Variants in NDRG1 observed in about 807,000 individuals in gnomAD.
NDRG1 encodes the protein protein NDRG1.
In NDRG1, 32 loss-of-function variants were observed where a neutral mutation model predicts 56.9. The ratio of observed to expected loss-of-function variants is 0.56; its 90% CI spans 0.42 to 0.76. The LOEUF (loss-of-function observed/expected upper bound fraction) is 0.76. Among genes scored for constraint, NDRG1 ranks in the 30% least tolerant of loss-of-function variants. NDRG1 has a pLI of 0.00. For missense variants in NDRG1, 507 were observed against 545.7 expected, an observed-to-expected ratio of 0.93 and a Z score of 0.71; for synonymous variants, 211 against 204.1, an observed-to-expected ratio of 1.03 and a Z score of -0.29.
chr8:133,273,965 C>T (rs1020963705), intron 3 of NDRG1, among the ~76,000 whole-genome samples: 5 of 152,314 alleles, frequency 3.3e-5, no homozygotes, highest in Middle Eastern at 3.4e-3. Context: ...GCCTCTCAGC[C>T]GAGCCAGATC....
chr8:133,253,893 G>A (rs1406238628), intron 9 of NDRG1, among the ~76,000 whole-genome samples: 1 of 151,432 alleles, frequency 6.6e-6, no homozygotes, highest in Non-Finnish European at 1.5e-5. Flanking sequence ...GTAGAGACAA[G>A]GTGTCACTAT....
chr8:133,284,336 G>A lies in NDRG1; in HGVS notation c.-18-7C>T, dbSNP rs1407699093. 6.2e-7 allele frequency: 1 copy of A among 1,613,896 alleles called. No individual in the cohort carries two copies. Among genetic ancestry groups the A allele is most frequent in the African/African-American group, 1.3e-5 (1 of 74,888 alleles). ...TGTCCCTGCTGTCACCTGCCTGCAAGGAGACAAAGGCCAAAAGGTCAACAC... is the reference window on the plus strand; with the variant it reads ...TGTCCCTGCTGTCACCTGCCTGCAAAGAGACAAAGGCCAAAAGGTCAACAC... On this transcript the variant is annotated splice_region_variant and splice_polypyrimidine_tract_variant and intron_variant, in intron 1 of 15. Coordinates refer to ENST00000323851, the MANE Select transcript of NDRG1 (RefSeq NM_006096.4).
In NDRG1 at chr8:133,244,409, C is replaced by T. The variant is rs753910083; in HGVS notation, c.856-19G>A. ...CCGCCATCTAGGAGAGAGGGAAGCT[C>T]GTTAGTGCCAAACACCACAGCCAAG... On this transcript the variant is annotated intron_variant, in intron 13 of 15. Transcript: ENST00000323851. The T allele has an allele frequency of 1.6e-5, 26 of 1,614,050 alleles. No individual in the cohort carries two copies. The highest frequency in any genetic ancestry group is 8.9e-5 in the East Asian group (4 of 44,886).
chr8:133,286,515 C>T (rs1201717733), intron 1 of NDRG1, among the ~76,000 whole-genome samples: 1 of 152,200 alleles, frequency 6.6e-6, no homozygotes, highest in Admixed American at 6.5e-5. Context: ...TTTATTCCTA[C>T]AGCTTAGCTT....
chr8:133,259,480 T>G, intron 5 of NDRG1: 1 of 547,954 alleles, frequency 1.8e-6, no homozygotes, highest in Non-Finnish European at 3.3e-6. Flanking sequence ...ACAATAACTC[T>G]AGGAGGCTGC....
chr8:133,254,530 G>A lies in NDRG1; in HGVS notation c.594+9C>T, dbSNP rs373172944. On this transcript the variant is annotated intron_variant, in intron 9 of 15. Coordinates refer to ENST00000323851, the MANE Select transcript of NDRG1 (RefSeq NM_006096.4). Reference sequence around the variant, plus strand: ...AGGAACAACAGATTTGCCAGACCACGCAACTCACCTTCCCAAAAAGGTGGG... The same window carrying A: ...AGGAACAACAGATTTGCCAGACCACACAACTCACCTTCCCAAAAAGGTGGG... 93 of 1,613,814 alleles carry A rather than the reference G, an allele frequency of 5.8e-5. 1 individual carries two copies. The East Asian group carries it at 1.8e-3, about 31-fold the overall frequency.
In NDRG1 at chr8:133,238,016, A is replaced by G. The variant is rs1855155005; in HGVS notation, c.*862T>C. 4.3e-6 allele frequency: 1 copy of G among 233,172 alleles called. No individual in the cohort carries two copies. The allele number at this position is 233,172 out of a possible 1,614,324, so 14.4% of individuals were successfully genotyped here. A position where few individuals can be genotyped will look rare whatever the true frequency, so the allele number is the denominator to read the frequency against. ...GTTGCCCTCCATTCTAAGGAATGCAAAACAAATCTAAATGATCTTCTCCCT... is the reference window on the plus strand; with the variant it reads ...GTTGCCCTCCATTCTAAGGAATGCAGAACAAATCTAAATGATCTTCTCCCT... On this transcript the variant is annotated 3_prime_UTR_variant, in exon 16 of 16. Transcript: ENST00000323851.
chr8:133,266,206 C>T (rs1245862317), intron 3 of NDRG1, among the ~76,000 whole-genome samples: 1 of 152,270 alleles, frequency 6.6e-6, no homozygotes, highest in African/African-American at 2.4e-5. Flanking sequence ...GGGCCCCAGG[C>T]TTCTCAGCAC....
At chr8:133,285,967 C>T (rs190612349) in intron 1 of NDRG1, among the ~76,000 whole-genome samples, 3 of 152,266 alleles carry the variant, frequency 2.0e-5, no homozygotes, top group Admixed American at 6.5e-5. Context: ...GCCCTGCCAA[C>T]GCCACCCCTC....
intron 3 of NDRG1, among the ~76,000 whole-genome samples, chr8:133,274,106 C>G (rs1857336367): frequency 1.3e-5 from 2 of 152,188 alleles, no homozygotes; most frequent in African/African-American, 4.8e-5. Context: ...ACCTCATATG[C>G]AAATCACCAA....
chr8:133,265,653 C>G (rs992809371), intron 3 of NDRG1, among the ~76,000 whole-genome samples: 1 of 152,132 alleles, frequency 6.6e-6, no homozygotes, highest in Non-Finnish European at 1.5e-5. Context: ...CCGCACCAAA[C>G]CTTCCTAACA....
At chr8:133,278,946 A>T (rs1857615274) in intron 3 of NDRG1, among the ~76,000 whole-genome samples, 2 of 148,298 alleles carry the variant, frequency 1.3e-5, no homozygotes, top group Admixed American at 6.8e-5. Context: ...GCTGGAGTGC[A>T]ACGACGTGGT....
chr8:133,264,674 T>TG (rs761581311), intron 3 of NDRG1, 22 bp from the exon 4 acceptor site: 13 of 1,605,230 alleles, frequency 8.1e-6, no homozygotes, highest in Middle Eastern at 3.3e-4. Flanking sequence ...CAGCAGACAG[T>TG]GGGCTGGTCA....
chr8:133,254,438 T>C (rs1489532095), intron 9 of NDRG1, 101 bp downstream of exon 9: 14 of 1,229,922 alleles, frequency 1.1e-5, no homozygotes, highest in African/African-American at 6.0e-5. Context: ...CCCCAGTTGA[T>C]TGTGTCTTGT....
chr8:133,293,507 G>A (rs1205610629), intron 1 of NDRG1, among the ~76,000 whole-genome samples: 2 of 152,228 alleles, frequency 1.3e-5, no homozygotes, highest in Admixed American at 6.5e-5. Flanking sequence ...GACCTGAGAG[G>A]TGGAAAGAAT....
intron 3 of NDRG1, among the ~76,000 whole-genome samples, chr8:133,269,180 T>C (rs1355074292): frequency 2.6e-5 from 4 of 152,116 alleles, no homozygotes; most frequent in African/African-American, 9.7e-5. Context: ...AGAGAGCAAA[T>C]TGCCTGTCTC....
intron 1 of NDRG1, among the ~76,000 whole-genome samples, chr8:133,295,250 T>A (rs1285060665): frequency 6.6e-6 from 1 of 152,162 alleles, no homozygotes; most frequent in South Asian, 2.1e-4. Flanking sequence ...CTTCATCCCA[T>A]GTGCATATTT....
intron 1 of NDRG1, among the ~76,000 whole-genome samples, chr8:133,289,983 C>G (rs918668917): frequency 6.6e-6 from 1 of 152,178 alleles, no homozygotes; most frequent in Non-Finnish European, 1.5e-5. Flanking sequence ...CAAATGGAAA[C>G]CCAGGCAGGA....
At position 133,255,426 on chromosome 8, in the gene NDRG1, T is replaced by C. The variant is rs529918133; in HGVS notation, c.538-831A>G. On this transcript the variant is annotated intron_variant, in intron 8 of 15. Coordinates refer to ENST00000323851, the MANE Select transcript of NDRG1 (RefSeq NM_006096.4). ...CTGGAGTTGAAAAAGAAGGGAATAG[T>C]ACAGCTATTAAAGCTGTACTGAAGG... 100 of 456,208 alleles carry C rather than the reference T, an allele frequency of 2.2e-4. 4 individuals carry two copies. Among genetic ancestry groups the C allele is most frequent in the South Asian group, 1.3e-3 (87 of 64,552 alleles). 28.3% of individuals were successfully genotyped at this position (456,208 alleles called of 1,614,324 possible).
Sources: gnomAD v4.1 joint callset for allele counts (sites outside exome capture counted in the v4.1 genomes callset) on GRCh38, gnomAD v4.1.1 for gene constraint, MANE v1.5 for transcripts, NCBI Gene and HGNC (gene_info 2026-07-23, HGNC 2026-07-21) for gene names.